The following ADK variants were observed in gnomAD, a reference collection of about 807,000 sequenced individuals.
The protein encoded by ADK is N6,N6-dimethyladenosine kinase.
A neutral mutation model predicts 44.7 loss-of-function variants in ADK; 24 were observed. The ratio of observed to expected loss-of-function variants is 0.54; its 90% CI spans 0.39 to 0.76. The LOEUF is 0.76. Ranked by LOEUF, ADK falls within the 30% of genes least tolerant of loss-of-function variation. The pLI, the probability that ADK is intolerant of heterozygous loss-of-function variation, is 0.00. For missense variants in ADK, 321 were observed against 425.1 expected, an observed-to-expected ratio of 0.76 and a Z score of 2.15; for synonymous variants, 128 against 142.6, an observed-to-expected ratio of 0.90 and a Z score of 0.73.
At chr10:74,174,894 A>C (rs1266448503) in intron 1 of ADK, among the ~76,000 whole-genome samples, 1 of 152,252 alleles carries the variant, frequency 6.6e-6, no homozygotes, top group Admixed American at 6.5e-5. Flanking sequence ...GAAACTTGAA[A>C]TCTTCTGGAA....
At chr10:74,256,595 T>C (rs1344570119) in intron 3 of ADK, among the ~76,000 whole-genome samples, 2 of 152,152 alleles carry the variant, frequency 1.3e-5, no homozygotes, top group African/African-American at 4.8e-5. Context: ...TAATTACCAG[T>C]GCAAGACTGT....
chr10:74,171,696 C>CT (rs1156333454), intron 1 of ADK, among the ~76,000 whole-genome samples: 4 of 151,950 alleles, frequency 2.6e-5, no homozygotes, highest in African/African-American at 9.7e-5. Flanking sequence ...ATAAGCTAGG[C>CT]TTTTAGGAAA....
At chr10:74,229,194 G>T (rs916563090) in intron 3 of ADK, among the ~76,000 whole-genome samples, 1 of 152,130 alleles carries the variant, frequency 6.6e-6, no homozygotes, top group Non-Finnish European at 1.5e-5. Flanking sequence ...TGAGATGGAA[G>T]AAAATAAATA....
At chr10:74,299,878 C>T (rs1187508786) in intron 3 of ADK, among the ~76,000 whole-genome samples, 5 of 152,046 alleles carry the variant, frequency 3.3e-5, no homozygotes, top group South Asian at 2.1e-4. Flanking sequence ...ATTTGACTTG[C>T]CTGACCACCC....
chr10:74,284,755 G>A (rs1220988395), intron 3 of ADK, among the ~76,000 whole-genome samples: 1 of 152,236 alleles, frequency 6.6e-6, no homozygotes, highest in Non-Finnish European at 1.5e-5. Context: ...TATGGAATGT[G>A]TATTTGGTTT....
chr10:74,430,646 A>G (rs1272276718), intron 6 of ADK, among the ~76,000 whole-genome samples: 2 of 152,108 alleles, frequency 1.3e-5, no homozygotes, highest in Non-Finnish European at 2.9e-5. Flanking sequence ...ATTACTTTAG[A>G]CTGCCTCTAA....
intron 6 of ADK, among the ~76,000 whole-genome samples, chr10:74,401,031 A>T (rs1389837002): frequency 6.6e-6 from 1 of 152,186 alleles, no homozygotes; most frequent in African/African-American, 2.4e-5. Context: ...ATCTTTTAAA[A>T]TTTATTTTTT....
chr10:74,425,615 GAT>G (rs888869765), intron 6 of ADK, among the ~76,000 whole-genome samples: 2 of 152,262 alleles, frequency 1.3e-5, no homozygotes, highest in Admixed American at 6.5e-5. Context: ...GTTGGGAAAA[GAT>G]ATGTACAGTT....
At chr10:74,445,416 G>C (rs150689357) in intron 6 of ADK, among the ~76,000 whole-genome samples, 40 of 151,958 alleles carry the variant, frequency 2.6e-4, no homozygotes, top group African/African-American at 9.4e-4. Flanking sequence ...ATATAATGGA[G>C]CAATAAATTG....
chr10:74,461,339 T>A (rs376407714), intron 6 of ADK, among the ~76,000 whole-genome samples: 3 of 152,138 alleles, frequency 2.0e-5, no homozygotes, highest in African/African-American at 7.2e-5. Context: ...CTGAATGGCT[T>A]GTGTAGCCTA....
chr10:74,243,800 T>A (rs1375393710), intron 3 of ADK, among the ~76,000 whole-genome samples: 1 of 152,146 alleles, frequency 6.6e-6, no homozygotes, highest in Non-Finnish European at 1.5e-5. Flanking sequence ...GAGTCAGAGG[T>A]TGCAGTGAGC....
At chr10:74,415,129 A>G (rs1844323872) in intron 6 of ADK, among the ~76,000 whole-genome samples, 1 of 152,192 alleles carries the variant, frequency 6.6e-6, no homozygotes, top group Non-Finnish European at 1.5e-5. Flanking sequence ...ATTTTATGTG[A>G]GATTGGAAAC....
intron 9 of ADK, among the ~76,000 whole-genome samples, chr10:74,609,138 G>A (rs776204475): frequency 1.3e-5 from 2 of 152,192 alleles, no homozygotes; most frequent in East Asian, 1.9e-4. Flanking sequence ...TGCTGGCAGC[G>A]AGAATTTCAA....
At chr10:74,155,373 C>T (rs2132026484) in intron 1 of ADK, among the ~76,000 whole-genome samples, 1 of 152,214 alleles carries the variant, frequency 6.6e-6, no homozygotes, top group South Asian at 2.1e-4. Flanking sequence ...CCTGTGGTCC[C>T]AGCTACACAG....
At chr10:74,476,153 A>G (rs573618173) in intron 6 of ADK, among the ~76,000 whole-genome samples, 3 of 152,246 alleles carry the variant, frequency 2.0e-5, no homozygotes, top group South Asian at 4.1e-4. Flanking sequence ...TGATTATTTG[A>G]CATGTATTTA....
At position 74,596,551 on chromosome 10, in the gene ADK, C is replaced by T. The variant is rs28673867; in HGVS notation, c.763-3828C>T. 7.1e-3 allele frequency among the ~76,000 whole-genome samples: 972 copies of T among 136,590 alleles called. 17 individuals are homozygous for T. Among genetic ancestry groups the T allele is most frequent in the African/African-American group, 0.028 (913 of 32,508 alleles). The allele number at this position is 136,590 out of a possible 152,430, so 89.6% of individuals were successfully genotyped here. A position where few individuals can be genotyped will look rare whatever the true frequency, so the allele number is the denominator to read the frequency against. ...CCAATGTCATTCTCTCTCTCTCTCTCTTTTTTTTTTTTGAGACAGGGTCTG... is the reference window on the plus strand; with the variant it reads ...CCAATGTCATTCTCTCTCTCTCTCTTTTTTTTTTTTTTGAGACAGGGTCTG... On this transcript the variant is annotated intron_variant, in intron 8 of 10. Coordinates refer to ENST00000539909, the MANE Select transcript of ADK (RefSeq NM_006721.4).
chr10:74,306,188 T>C (rs565060147), intron 3 of ADK, among the ~76,000 whole-genome samples: 2 of 152,274 alleles, frequency 1.3e-5, no homozygotes, highest in Admixed American at 6.5e-5. Context: ...TTTTTATTGA[T>C]TTATTTTTAA....
chr10:74,327,267 A>C (rs563798815), intron 4 of ADK, among the ~76,000 whole-genome samples: 14 of 152,042 alleles, frequency 9.2e-5, no homozygotes, highest in Admixed American at 9.2e-4. Flanking sequence ...TAATTTTTTC[A>C]TTGACCATGT....
chr10:74,219,336 G>A (rs1257834319), intron 2 of ADK, among the ~76,000 whole-genome samples: 1 of 152,066 alleles, frequency 6.6e-6, no homozygotes, highest in Admixed American at 6.6e-5. Flanking sequence ...AAATATATAT[G>A]CACCCAATAC....
Sources: gnomAD v4.1 joint callset for allele counts (sites outside exome capture counted in the v4.1 genomes callset) on GRCh38, gnomAD v4.1.1 for gene constraint, MANE v1.5 for transcripts, NCBI Gene and HGNC (gene_info 2026-07-23, HGNC 2026-07-21) for gene names.